The following KLHL6 variants were observed in gnomAD, a reference collection of about 807,000 sequenced individuals.
The protein encoded by KLHL6 is kelch-like protein 6.
In KLHL6, 41 loss-of-function variants were observed where a neutral mutation model predicts 58.6. The observed-to-expected ratio is 0.70, with a 90% CI of 0.55 to 0.91. KLHL6 has a LOEUF of 0.91. Among genes scored for constraint, KLHL6 ranks in the 40% least tolerant of loss-of-function variants. The pLI is 0.00. For missense variants in KLHL6, 714 were observed against 805.6 expected, an observed-to-expected ratio of 0.89 and a Z score of 1.38; for synonymous variants, 338 against 322.7, an observed-to-expected ratio of 1.05 and a Z score of -0.51.
In KLHL6 at chr3:183,555,605, C is replaced by T. The variant is rs773968370; in HGVS notation, c.49G>A (p.Glu17Lys). 54 of 1,613,234 alleles carry T rather than the reference C, an allele frequency of 3.3e-5. No homozygotes were observed. Among genetic ancestry groups the T allele is most frequent in the Non-Finnish European group, 4.5e-5 (53 of 1,179,734 alleles). ...GCCAGGGGCCCTTCCAAACTCTTCT[C>T]GACCACATCACCCATGGTCCAGGCG... ...RGAWTMGDVV[E>K]KSLEGPLAPS... Residue 17 changes from glutamate to lysine, a missense_variant, in exon 1 of 7, where the codon GAG (glutamate) becomes AAG (lysine). Coordinates refer to ENST00000341319, the MANE Select transcript of KLHL6 (RefSeq NM_130446.4).
intron 1 of KLHL6, among the ~76,000 whole-genome samples, chr3:183,542,695 C>G (rs1310212261): frequency 1.3e-5 from 2 of 152,184 alleles, no homozygotes; most frequent in Non-Finnish European, 2.9e-5. Flanking sequence ...TGCATCATAG[C>G]ACTTATCACC....
At chr3:183,507,729 C>T (rs892915384) in intron 3 of KLHL6, among the ~76,000 whole-genome samples, 3 of 152,166 alleles carry the variant, frequency 2.0e-5, no homozygotes, top group Admixed American at 6.5e-5. Flanking sequence ...CCACCAGGCC[C>T]GGCCCAGGGC....
In KLHL6 at chr3:183,508,278, G is replaced by A. The variant is rs750540937; in HGVS notation, c.690C>T (p.Thr230=). The A allele has an allele frequency of 8.7e-6, 14 of 1,614,132 alleles. No homozygotes were observed. Among genetic ancestry groups the A allele is most frequent in the South Asian group, 2.2e-5 (2 of 91,074 alleles). Residue 230 remains threonine, a synonymous_variant, in exon 3 of 7, where the codon ACC becomes ACT. Coordinates refer to ENST00000341319, the MANE Select transcript of KLHL6 (RefSeq NM_130446.4). ...HILKSDDLYV[T]EEAQVFETVM... is the part of the protein sequence containing the mutation. ...CGGTCTCAAACACCTGAGCCTCCTC[G>A]GTCACGTAAAGGTCATCACTCTTCA...
intron 1 of KLHL6, among the ~76,000 whole-genome samples, chr3:183,550,632 T>TA (rs1036962787): frequency 4.0e-5 from 6 of 150,744 alleles, no homozygotes; most frequent in African/African-American, 9.8e-5. Context: ...CTATCTCTAC[T>TA]AAAAAAATAC....
chr3:183,525,361 T>G (rs1711931081), intron 2 of KLHL6, among the ~76,000 whole-genome samples: 1 of 151,826 alleles, frequency 6.6e-6, no homozygotes, highest in South Asian at 2.1e-4. Flanking sequence ...TAGGGAAATG[T>G]TCTCATAGCT....
At chr3:183,537,038 G>T (rs1425910175) in intron 1 of KLHL6, among the ~76,000 whole-genome samples, 1 of 152,122 alleles carries the variant, frequency 6.6e-6, no homozygotes, top group African/African-American at 2.4e-5. Context: ...ATATTTTCAT[G>T]AATTTTCTGC....
At position 183,491,712 on chromosome 3, in the gene KLHL6, G is replaced by T. The variant is rs1040033234; in HGVS notation, c.*215C>A. The T allele has an allele frequency of 1.1e-4, 45 of 417,274 alleles. No individual in the cohort carries two copies. The highest frequency in any genetic ancestry group is 8.3e-4 in the African/African-American group (41 of 49,330). The allele number at this position is 417,274 out of a possible 1,614,324, so 25.8% of individuals were successfully genotyped here. A position where few individuals can be genotyped will look rare whatever the true frequency, so the allele number is the denominator to read the frequency against. On this transcript the variant is annotated 3_prime_UTR_variant, in exon 7 of 7. Coordinates refer to ENST00000341319, the MANE Select transcript of KLHL6 (RefSeq NM_130446.4). The stretch of plus-strand genomic sequence containing the variant: ...TGAATGCTAAATATTACTCTTCCTC[G>T]CCTCCCCTCCTGAGGTAGGTCATGC...
chr3:183,491,754 T>C lies in KLHL6; in HGVS notation c.*173A>G, dbSNP rs1382663484. 3.2e-5 allele frequency: 16 copies of C among 500,528 alleles called. No homozygotes were observed. Among genetic ancestry groups the C allele is most frequent in the Non-Finnish European group, 1.3e-5 (4 of 299,746 alleles). 31.0% of individuals were successfully genotyped at this position (500,528 alleles called of 1,614,324 possible). On this transcript the variant is annotated 3_prime_UTR_variant, in exon 7 of 7. Coordinates refer to ENST00000341319, the MANE Select transcript of KLHL6 (RefSeq NM_130446.4). ...AGGTCATGCAAACATTCCTGGCCGG[T>C]CTCAAGTGACCCCAAACTGTGACTT...
intron 1 of KLHL6, chr3:183,548,994 G>C (rs936355131): frequency 2.0e-5 from 3 of 151,614 alleles, no homozygotes; most frequent in Non-Finnish European, 4.4e-5. Context: ...GTGGCCTGTC[G>C]GCGGGTGGGG....
intron 2 of KLHL6, among the ~76,000 whole-genome samples, chr3:183,525,265 A>ACACACACACACACACACACACACAC (rs1553811014): frequency 0.032 from 1,664 of 52,092 alleles, 24 homozygotes; most frequent in Non-Finnish European, 0.058. Context: ...CTCTCTAAAA[A>ACACACACACACACACACACACACAC]AAAAACACAC....
intron 3 of KLHL6, among the ~76,000 whole-genome samples, chr3:183,503,392 A>G (rs1361718858): frequency 6.6e-6 from 1 of 152,212 alleles, no homozygotes; most frequent in Non-Finnish European, 1.5e-5. Flanking sequence ...GGTTCCAGCT[A>G]CCATTCCCAA....
At chr3:183,498,517 T>A (rs539742948) in intron 4 of KLHL6, among the ~76,000 whole-genome samples, 1 of 152,314 alleles carries the variant, frequency 6.6e-6, no homozygotes, top group South Asian at 2.1e-4. Context: ...AAGTCCTGCC[T>A]GACACCTACC....
intron 5 of KLHL6, 140 bp downstream of exon 5, chr3:183,493,939 G>A (rs983789111): frequency 4.0e-6 from 3 of 747,778 alleles, no homozygotes; most frequent in Non-Finnish European, 2.3e-6. Context: ...GAGGAGGGAA[G>A]CTCAGAGCCA....
chr3:183,518,428 A>G (rs536789770), intron 2 of KLHL6, among the ~76,000 whole-genome samples: 1 of 152,294 alleles, frequency 6.6e-6, no homozygotes, highest in East Asian at 1.9e-4. Flanking sequence ...TTTAATCTTT[A>G]TATTCTCCTG....
At chr3:183,546,793 T>C (rs1384635983) in intron 1 of KLHL6, among the ~76,000 whole-genome samples, 1 of 152,180 alleles carries the variant, frequency 6.6e-6, no homozygotes, top group Non-Finnish European at 1.5e-5. Context: ...AGACGTAAAT[T>C]GTTAGCCTCG....
chr3:183,495,028 T>A (rs1717676586), intron 4 of KLHL6, among the ~76,000 whole-genome samples: 1 of 152,194 alleles, frequency 6.6e-6, no homozygotes, highest in Non-Finnish European at 1.5e-5. Context: ...ATTTAACAGC[T>A]TTGTGTTTCC....
chr3:183,493,296 G>C (rs1273029084), intron 5 of KLHL6: 1 of 155,832 alleles, frequency 6.4e-6, no homozygotes, highest in South Asian at 2.0e-4. Flanking sequence ...CTTTTAGATC[G>C]TGGAGCAGCT....
intron 4 of KLHL6, among the ~76,000 whole-genome samples, chr3:183,494,518 C>T (rs1175887598): frequency 6.6e-6 from 1 of 152,130 alleles, no homozygotes; most frequent in Non-Finnish European, 1.5e-5. Context: ...CTCAGTGCTG[C>T]GAGAGTTCAG....
chr3:183,554,383 A>G (rs145236165), intron 1 of KLHL6, among the ~76,000 whole-genome samples: 178 of 152,358 alleles, frequency 1.2e-3, no homozygotes, highest in African/African-American at 3.9e-3. Flanking sequence ...CTCTTGTTTA[A>G]TTATGACAGC....
Sources: allele counts gnomAD v4.1 joint callset (sites outside exome capture counted in the v4.1 genomes callset), GRCh38; gene constraint gnomAD v4.1.1; transcripts MANE v1.5; gene names NCBI Gene and HGNC (gene_info 2026-07-23, HGNC 2026-07-21).